Variants in XPC observed in about 807,000 individuals in gnomAD.
The protein encoded by XPC is XPC complex subunit, DNA damage recognition and repair factor.
A neutral mutation model predicts 95.8 loss-of-function variants in XPC; 76 were observed. The observed-to-expected ratio is 0.79, with a 90% CI of 0.66 to 0.96. The LOEUF (loss-of-function observed/expected upper bound fraction) is 0.96, where lower values mean the gene tolerates loss of function less well. Among genes scored for constraint, XPC ranks in the 40% least tolerant of loss-of-function variants. The probability of loss-of-function intolerance (pLI) is 0.00; values close to 1 mark genes in which losing one functional copy is unlikely to be tolerated. For missense variants in XPC, 1,146 were observed against 1,179.8 expected (o/e 0.97, Z 0.42); for synonymous variants, 442 against 442.1 (o/e 1.00, Z 0.00).
At chr3:14,164,727 C>T (rs1344325117) in intron 7 of XPC, 86 bp downstream of exon 7, 3 of 1,415,098 alleles carry the variant, frequency 2.1e-6, no homozygotes, top group African/African-American at 2.8e-5. Flanking sequence ...GTCGGTAACA[C>T]ACCTGGAATG....
At position 14,156,446 on chromosome 3, in the gene XPC, T is replaced by C. The variant is rs751183838; in HGVS notation, c.1922A>G (p.Tyr641Cys). 2.4e-5 allele frequency: 38 copies of C among 1,613,900 alleles called. No individual in the cohort carries two copies. Among genetic ancestry groups the C allele is most frequent in the Non-Finnish European group, 3.0e-5 (35 of 1,179,890 alleles). Reference sequence around the variant, plus strand: ...CAGGGCATACAGAGGGTGGTTCTTATATAAGCCAATGGCAGTGGGCAAAGG... The same window carrying C: ...CAGGGCATACAGAGGGTGGTTCTTACATAAGCCAATGGCAGTGGGCAAAGG... ...DQPLPTAIGLYKNHPLYALKR... is the reference protein window; with the variant it reads ...DQPLPTAIGLCKNHPLYALKR... Residue 641 changes from tyrosine (Y) to cysteine (C), a missense_variant, in exon 10 of 16, where the codon TAT becomes TGT. By Grantham distance (194) the Tyr-to-Cys change is radical. Transcript: ENST00000285021.
At chr3:14,178,322 C>T (rs1028122248) in intron 1 of XPC, 144 bp downstream of exon 1, 17 of 945,032 alleles carry the variant, frequency 1.8e-5, no homozygotes, top group Admixed American at 7.0e-5. Context: ...GAGGGCCGGC[C>T]GCAGCCTGCC....
rs55822380 is a variant in XPC at position 14,167,144 on chromosome 3, CT to C, written c.621+24del. On this transcript the variant is annotated intron_variant, in intron 5 of 15. Transcript: ENST00000285021. Reference sequence around the variant, plus strand: ...CTCTTTGCACCGACAAGGAAAAGTCCTTCCCCATCATTCCTTGCCCTTACCT... The same window carrying C: ...CTCTTTGCACCGACAAGGAAAAGTCCTCCCCATCATTCCTTGCCCTTACCT... 1,469 of 1,547,568 alleles carry C rather than the reference CT, an allele frequency of 9.5e-4. 15 individuals carry two copies. In the African/African-American group the frequency reaches 0.018, roughly 19 times the overall value.
chr3:14,171,755 G>A (rs548350171), intron 2 of XPC, among the ~76,000 whole-genome samples: 12 of 152,230 alleles, frequency 7.9e-5, no homozygotes, highest in Admixed American at 2.0e-4. Context: ...CCTGGGAGGC[G>A]GAGGTTGCAG....
Position 14,158,508 on chromosome 3 carries a change from C to T in XPC, c.1375G>A (p.Asp459Asn). ...TGCTTTGGAGGGCCAGGTTCGGAATCCTCATCAGAGGGATCAGAGGCTTCT... is the reference window on the plus strand; with the variant it reads ...TGCTTTGGAGGGCCAGGTTCGGAATTCTCATCAGAGGGATCAGAGGCTTCT... Reference protein sequence around the residue: ...SGEASDPSDEDSEPGPPKQRK... With the variant: ...SGEASDPSDENSEPGPPKQRK... Residue 459 changes from aspartate to asparagine, a missense_variant, in exon 9 of 16, where the codon GAT becomes AAT. Coordinates refer to ENST00000285021, the MANE Select transcript of XPC (RefSeq NM_004628.5). The surrounding 1 kb of genome is among the most constrained non-coding windows in gnomAD (Gnocchi z 5.2). 1 of 1,612,198 alleles carries T rather than the reference C, an allele frequency of 6.2e-7. No individual in the cohort carries two copies. Among genetic ancestry groups the T allele is most frequent in the Non-Finnish European group, 8.5e-7 (1 of 1,178,852 alleles).
rs1696674854 is a variant in XPC, at chr3:14,173,006, C to T, written c.160G>A (p.Gly54Arg). ...KKSLLSKVSQ[G>R]KRKRGCSHPG... ...TGACTGCAGCCTCTTTTCCTCTTTC[C>T]TTGTGAAACTTTGGAGAGAAGGCTC... Residue 54 changes from glycine to arginine, a missense_variant, in exon 2 of 16, where the codon GGA becomes AGA. Coordinates refer to ENST00000285021, the MANE Select transcript of XPC (RefSeq NM_004628.5). 1 of 1,610,752 alleles carries T rather than the reference C, an allele frequency of 6.2e-7. No individual in the cohort carries two copies. Among genetic ancestry groups the T allele is most frequent in the Admixed American group, 1.7e-5 (1 of 59,342 alleles).
rs73142655 is a variant in XPC, at chr3:14,160,231, C to T, written c.901-401G>A. ...ATTGTTCTGTAGTCAATATGTGTTG[C>T]GTTTGTGACTAAAATAATAAAATGA... On this transcript the variant is annotated intron_variant, in intron 7 of 15. Coordinates refer to ENST00000285021, the MANE Select transcript of XPC (RefSeq NM_004628.5). 9.9e-3 allele frequency among the ~76,000 whole-genome samples: 1,508 copies of T among 152,110 alleles called. 25 individuals are homozygous for T. The highest frequency in any genetic ancestry group is 0.034 in the African/African-American group (1,412 of 41,464).
intron 5 of XPC, 117 bp from the exon 6 acceptor site, chr3:14,165,702 A>G (rs1026428260): frequency 4.7e-6 from 6 of 1,287,982 alleles, no homozygotes; most frequent in Non-Finnish European, 6.4e-6. Flanking sequence ...CCATTTCTAC[A>G]TATAAGAAAG....
Position 14,172,907 on chromosome 3 carries a change from C to A in XPC, c.259G>T (p.Val87Phe), listed in dbSNP as rs374572265. 3 of 1,613,978 alleles carry A rather than the reference C, an allele frequency of 1.9e-6. No individual in the cohort carries two copies. The highest frequency in any genetic ancestry group is 1.6e-4 in the Middle Eastern group (1 of 6,062). ...KVTVKSENLK[V>F]IKDEALSDGD... ...TCGCTGAGGGCTTCATCCTTTATAA[C>A]CTTGAGGTTTTCAGATTTAACAGTC... The change falls in exon 2 of 16, where the codon GTT (valine) becomes TTT (phenylalanine). Residue 87 changes from valine (V) to phenylalanine (F), a missense_variant. Transcript: ENST00000285021.
At chr3:14,175,187 ACT>A (rs1696763833) in intron 1 of XPC, among the ~76,000 whole-genome samples, 1 of 152,076 alleles carries the variant, frequency 6.6e-6, no homozygotes, top group African/African-American at 2.4e-5. Context: ...GTTTAAACAC[ACT>A]GTTCTCTCTG....
chr3:14,145,609 T>C lies in XPC; in HGVS notation c.*332A>G, dbSNP rs989133559. The C allele has an allele frequency of 2.9e-6, 2 of 699,366 alleles. No individual in the cohort carries two copies. Among genetic ancestry groups the C allele is most frequent in the Admixed American group, 2.0e-5 (1 of 49,994 alleles). 43.3% of individuals were successfully genotyped at this position (699,366 alleles called of 1,614,324 possible). A position where few individuals can be genotyped will look rare whatever the true frequency, so the allele number is the denominator to read the frequency against. On this transcript the variant is annotated 3_prime_UTR_variant, in exon 16 of 16. Coordinates refer to ENST00000285021, the MANE Select transcript of XPC (RefSeq NM_004628.5). ...CCGGTGGCTTCCATACAAAAACTGA[T>C]GTTTCTAAAGATGGAAAGAACAGGT...
At chr3:14,147,762 G>A in intron 14 of XPC, 146 bp downstream of exon 14, 1 of 714,246 alleles carries the variant, frequency 1.4e-6, no homozygotes, top group Non-Finnish European at 2.4e-6. Flanking sequence ...TGTATTCAGT[G>A]CTCGCTCCCT....
chr3:14,158,747 G>A lies in XPC; in HGVS notation c.1136C>T (p.Pro379Leu). 2 of 1,613,804 alleles carry A rather than the reference G, an allele frequency of 1.2e-6. No homozygotes were observed. Among genetic ancestry groups the A allele is most frequent in the Non-Finnish European group, 1.7e-6 (2 of 1,179,850 alleles). ...CTTGTTCCTCTTCCCTTTGGCACTT[G>A]GCCTGCAGGTGCCCTTAGCAAAGGT... is the stretch of plus-strand genomic sequence containing the variant. ...EETFAKGTCR[P>L]SAKGKRNKGG... Residue 379 changes from proline to leucine, a missense_variant, in exon 9 of 16, where the codon CCA (proline) becomes CTA (leucine). By Grantham distance (98) the Pro-to-Leu change is moderately conservative. Transcript: ENST00000285021. The surrounding 1 kb of genome is among the most constrained non-coding windows in gnomAD (Gnocchi z 5.2).
At chr3:14,150,546 GTA>G (rs1168070833) in intron 11 of XPC, among the ~76,000 whole-genome samples, 1 of 152,174 alleles carries the variant, frequency 6.6e-6, no homozygotes, top group Non-Finnish European at 1.5e-5. Flanking sequence ...ACACTGTTCA[GTA>G]AACTTCCACT....
In XPC at chr3:14,172,974, C is replaced by G. The variant is rs1161923201; in HGVS notation, c.192G>C (p.Gly64=). The G allele has an allele frequency of 7.4e-6, 12 of 1,613,868 alleles. No individual in the cohort carries two copies. The highest frequency in any genetic ancestry group is 1.0e-5 in the Non-Finnish European group (12 of 1,179,834). ...TTTTTGCTGGACCATCTGCTGAACC[C>G]CCAGGATGACTGCAGCCTCTTTTCC... ...GKRKRGCSHP[G]GSADGPAKKK... Residue 64 remains glycine (G), a synonymous_variant, in exon 2 of 16, where the codon GGG becomes GGC. Transcript: ENST00000285021.
intron 1 of XPC, 81 bp from the exon 2 acceptor site, chr3:14,173,143 G>A (rs767108337): frequency 1.5e-5 from 20 of 1,367,428 alleles, no homozygotes; most frequent in South Asian, 4.9e-5. Context: ...GGCATAAAAC[G>A]GCTCTATGAC....
chr3:14,159,090 A>G (rs1696063704), intron 8 of XPC, among the ~76,000 whole-genome samples, 198 bp from the exon 9 acceptor site: 1 of 152,188 alleles, frequency 6.6e-6, no homozygotes, highest in African/African-American at 2.4e-5. Flanking sequence ...AGCATCTTAG[A>G]TAAGGCCACA....
rs964463030 is a variant in XPC, at chr3:14,170,456, C to A, written c.394G>T (p.Asp132Tyr). ...SNEEEEESEN[D>Y]WEEVEELSEP... ...GTTTCACCTTCAACCTCTTCCCAAT[C>A]ATTTTCACTTTCTTCCTCTTCTTCA... Residue 132 changes from aspartate to tyrosine, a missense_variant, in exon 3 of 16, where the codon GAT (aspartate) becomes TAT (tyrosine). Transcript: ENST00000285021. 4 of 1,613,652 alleles carry A rather than the reference C, an allele frequency of 2.5e-6. No individual in the cohort carries two copies. In the African/African-American group the frequency reaches 4.0e-5, roughly 16 times the overall value.
Position 14,146,007 on chromosome 3 carries a change from C to T in XPC, c.2757G>A (p.Gly919=), listed in dbSNP as rs2125004761. Residue 919 remains glycine, a synonymous_variant, in exon 16 of 16, where the codon GGG becomes GGA. Transcript: ENST00000285021. ...EDEEKQKLKG[G]PKKTKREKKA... is the part of the protein sequence containing the mutation. ...TCTTTTCCCTTTTGGTCTTCTTGGG[C>T]CCACCCTTCAGCTTCTGCTTTTCTT... 1.2e-6 allele frequency: 2 copies of T among 1,611,870 alleles called. No individual in the cohort carries two copies. The highest frequency in any genetic ancestry group is 1.7e-6 in the Non-Finnish European group (2 of 1,178,670).
Sources: allele counts gnomAD v4.1 joint callset (sites outside exome capture counted in the v4.1 genomes callset), GRCh38; gene constraint gnomAD v4.1.1; non-coding constraint Gnocchi (gnomAD v3.1); transcripts MANE v1.5; gene names NCBI Gene and HGNC (gene_info 2026-07-23, HGNC 2026-07-21).